The following RRP1B variants were observed in gnomAD, a reference collection of about 807,000 sequenced individuals.
The protein encoded by RRP1B is ribosomal RNA processing protein 1 homolog B.
In RRP1B, 56 loss-of-function variants were observed where a neutral mutation model predicts 80.2. That is an observed-to-expected ratio of 0.70 (90% confidence interval 0.56 to 0.87). The LOEUF is 0.87. RRP1B is among the 40% of genes least tolerant of loss of function. RRP1B has a pLI of 0.00. For synonymous variants in RRP1B, 351 were observed against 357.6 expected (o/e 0.98, Z 0.21); for missense variants, 807 against 939.8 (o/e 0.86, Z 1.85).
rs1223817432 is a variant in RRP1B at position 43,676,774 on chromosome 21, C to G, written c.656C>G (p.Ala219Gly). ...ACCATAGCTCGGGGTGTCTTCGAAG[C>G]TATCGTAGATCAGTCTCCTTTTGTG... ...VQTIARGVFE[A>G]IVDQSPFVPE... The change falls in exon 8 of 16, where the codon GCT (alanine) becomes GGT (glycine). Residue 219 changes from alanine to glycine, a missense_variant. Ala to Gly is a moderately conservative substitution (Grantham distance 60). Transcript: ENST00000340648. 2 of 1,614,252 alleles carry G rather than the reference C, an allele frequency of 1.2e-6. No homozygotes were observed. The highest frequency in any genetic ancestry group is 3.3e-5 in the Admixed American group (2 of 60,034).
chr21:43,672,073 C>T (rs149899313), intron 2 of RRP1B, among the ~76,000 whole-genome samples: 1 of 152,326 alleles, frequency 6.6e-6, no homozygotes, highest in African/African-American at 2.4e-5. Context: ...CTTTTTTAAA[C>T]ATGTAGCTTA....
At chr21:43,687,058 C>T (rs1437465697) in intron 12 of RRP1B, 123 bp downstream of exon 12, 1 of 1,118,992 alleles carries the variant, frequency 8.9e-7, no homozygotes, top group African/African-American at 1.6e-5. Context: ...AAGCTTCAGT[C>T]TTTAATGGCT....
chr21:43,685,916 A>C, intron 11 of RRP1B, 127 bp downstream of exon 11: 2 of 1,270,242 alleles, frequency 1.6e-6, no homozygotes, highest in Non-Finnish European at 2.2e-6. Flanking sequence ...ATAAGAAATA[A>C]TAGTCCCTAG....
At chr21:43,684,216 C>T (rs1043467969) in intron 9 of RRP1B, among the ~76,000 whole-genome samples, 3 of 151,474 alleles carry the variant, frequency 2.0e-5, no homozygotes, top group African/African-American at 4.8e-5. Context: ...GGACTACAGG[C>T]GCCCGCCATC....
At chr21:43,663,232 A>G (rs908171937) in intron 1 of RRP1B, among the ~76,000 whole-genome samples, 9 of 152,156 alleles carry the variant, frequency 5.9e-5, no homozygotes, top group Non-Finnish European at 1.2e-4. Flanking sequence ...TCACATGTCT[A>G]CATGTCTCAC....
intron 1 of RRP1B, among the ~76,000 whole-genome samples, chr21:43,660,554 C>A (rs1281689762): frequency 6.6e-6 from 1 of 152,124 alleles, no homozygotes; most frequent in Non-Finnish European, 1.5e-5. Context: ...AAGAGCGAAA[C>A]TCCGTCTCAA....
chr21:43,684,743 TTTC>T, intron 10 of RRP1B, 93 bp downstream of exon 10: 1 of 1,023,036 alleles, frequency 9.8e-7, no homozygotes, highest in South Asian at 1.4e-5. Flanking sequence ...ATCTTTTTTC[TTTC>T]TTCTTTTTTT....
At position 43,686,870 on chromosome 21, in the gene RRP1B, G is replaced by A; in HGVS notation, c.1076G>A (p.Ser359Asn). 6.2e-7 allele frequency: 1 copy of A among 1,614,044 alleles called. No individual in the cohort carries two copies. The highest frequency in any genetic ancestry group is 1.1e-5 in the South Asian group (1 of 91,082). ...GCTGATGAAGATGACCAAATCCTCAGTCAAGGAAAGCATAAGAAGAAAGGA... is the reference window on the plus strand; with the variant it reads ...GCTGATGAAGATGACCAAATCCTCAATCAAGGAAAGCATAAGAAGAAAGGA... ...ISADEDDQIL[S>N]QGKHKKKGNK... is the part of the protein sequence containing the mutation. The change falls in exon 12 of 16, where the codon AGT becomes AAT. Residue 359 changes from serine (S) to asparagine (N), a missense_variant. Coordinates refer to ENST00000340648, the MANE Select transcript of RRP1B (RefSeq NM_015056.3).
intron 8 of RRP1B, among the ~76,000 whole-genome samples, chr21:43,682,865 T>C (rs2083049008): frequency 6.6e-6 from 1 of 152,226 alleles, no homozygotes; most frequent in Non-Finnish European, 1.5e-5. Flanking sequence ...TCTCCTTAAA[T>C]AAATTTTCTT....
chr21:43,682,900 A>G (rs1356177424), intron 8 of RRP1B, among the ~76,000 whole-genome samples: 1 of 152,006 alleles, frequency 6.6e-6, no homozygotes, highest in Non-Finnish European at 1.5e-5. Flanking sequence ...TTTGAGACGG[A>G]GTCTCGTTGT....
intron 1 of RRP1B, among the ~76,000 whole-genome samples, chr21:43,662,747 T>C (rs1177209939): frequency 6.6e-6 from 1 of 152,226 alleles, no homozygotes; most frequent in Non-Finnish European, 1.5e-5. Context: ...TTTGTCCCAA[T>C]TCATTCATTC....
chr21:43,683,749 G>A (rs1455587414), intron 9 of RRP1B, among the ~76,000 whole-genome samples: 1 of 151,688 alleles, frequency 6.6e-6, no homozygotes, highest in Non-Finnish European at 1.5e-5. Flanking sequence ...GGAGGCCCAG[G>A]CGGGCAGATC....
In RRP1B at chr21:43,690,403, G is replaced by A. The variant is rs765185244; in HGVS notation, c.1982G>A (p.Ser661Asn). Reference sequence around the variant, plus strand: ...CCCCTGTTCTTCAGAAGAGCCAAGAGCAGCACTGCCACCCACCCTCCAGGC... The same window carrying A: ...CCCCTGTTCTTCAGAAGAGCCAAGAACAGCACTGCCACCCACCCTCCAGGC... ...PKPLFFRRAK[S>N]STATHPPGPA... Residue 661 changes from serine (S) to asparagine (N), a missense_variant, in exon 14 of 16, where the codon AGC (serine) becomes AAC (asparagine). Ser to Asn is a conservative substitution (Grantham distance 46). Coordinates refer to ENST00000340648, the MANE Select transcript of RRP1B (RefSeq NM_015056.3). 20 of 1,614,066 alleles carry A rather than the reference G, an allele frequency of 1.2e-5. No homozygotes were observed. Among genetic ancestry groups the A allele is most frequent in the Non-Finnish European group, 1.6e-5 (19 of 1,180,016 alleles).
chr21:43,671,048 C>T (rs537793702), intron 2 of RRP1B, among the ~76,000 whole-genome samples: 1 of 152,324 alleles, frequency 6.6e-6, no homozygotes, highest in African/African-American at 2.4e-5. Context: ...ATCTCATTTT[C>T]CCACGAAGGA....
chr21:43,666,942 G>A (rs1288119662), intron 1 of RRP1B, among the ~76,000 whole-genome samples: 1 of 152,106 alleles, frequency 6.6e-6, no homozygotes, highest in African/African-American at 2.4e-5. Context: ...CATATTTGGG[G>A]TTTGTTGACT....
chr21:43,673,196 A>G (rs1215125721), intron 3 of RRP1B, among the ~76,000 whole-genome samples: 1 of 152,196 alleles, frequency 6.6e-6, no homozygotes, highest in South Asian at 2.1e-4. Context: ...TGCAGTAGGA[A>G]GAGTTACTAG....
rs897509397 is a variant in RRP1B, at chr21:43,659,947, G to T, written c.130+153G>T. On this transcript the variant is annotated intron_variant, in intron 1 of 15. Transcript: ENST00000340648. The surrounding 1 kb of genome is among the most constrained non-coding windows in gnomAD (Gnocchi z 4.2). ...TTCCGCGCTGCCGGAACCGCTTCTT[G>T]CTGTGTCTAGTGCCTTTTTACACTT... Among the ~76,000 whole-genome samples, 3 of 152,216 alleles carry T rather than the reference G, an allele frequency of 2.0e-5. No individual in the cohort carries two copies. Among genetic ancestry groups the T allele is most frequent in the Non-Finnish European group, 2.9e-5 (2 of 68,044 alleles).
intron 7 of RRP1B, 28 bp from the exon 8 acceptor site, chr21:43,676,705 A>G (rs769247470): frequency 1.9e-6 from 3 of 1,602,396 alleles, no homozygotes; most frequent in African/African-American, 2.7e-5. Context: ...TTCTCATCAC[A>G]TGCTCTCCGC....
intron 10 of RRP1B, 45 bp from the exon 11 acceptor site, chr21:43,685,725 A>AT (rs1568959548): frequency 7.4e-7 from 1 of 1,347,676 alleles, no homozygotes; most frequent in Admixed American, 2.6e-5. Flanking sequence ...CTTTATGAAC[A>AT]TTTGTTATTT....
Sources: allele counts gnomAD v4.1 joint callset (sites outside exome capture counted in the v4.1 genomes callset), GRCh38; gene constraint gnomAD v4.1.1; non-coding constraint Gnocchi (gnomAD v3.1); transcripts MANE v1.5; gene names NCBI Gene and HGNC (gene_info 2026-07-23, HGNC 2026-07-21).